The following LIPA variants were observed in gnomAD, a reference collection of about 807,000 sequenced individuals.
LIPA encodes lipase A, lysosomal acid type.
In LIPA, 26 loss-of-function variants were observed where a neutral mutation model predicts 40.6. The observed-to-expected ratio is 0.64, with a 90% CI of 0.47 to 0.89. LIPA has a LOEUF of 0.89. Among genes scored for constraint, LIPA ranks in the 40% least tolerant of loss-of-function variants. The pLI is 0.00. For synonymous variants in LIPA, 188 were observed against 168.4 expected, an observed-to-expected ratio of 1.12 and a Z score of -0.90; for missense variants, 455 against 479.6, an observed-to-expected ratio of 0.95 and a Z score of 0.48.
chr10:89,217,915 T>C (rs558081869), intron 8 of LIPA, among the ~76,000 whole-genome samples: 1 of 152,314 alleles, frequency 6.6e-6, no homozygotes, highest in South Asian at 2.1e-4. Flanking sequence ...TGGGTAAATA[T>C]GTTACATAAA....
chr10:89,383,851 G>A lies in LIPA; in HGVS notation c.61+28940C>T, dbSNP rs73369750. 6.6e-3 allele frequency: 10,647 copies of A among 1,614,158 alleles called. 587 individuals are homozygous for A. The African/African-American group carries it at 0.12, about 18-fold the overall frequency. ...CCCTGAAAACCCTGAATTCAATACT[G>A]GGTACGCAATCACCGTCTATCGCCT... On this transcript the variant is annotated intron_variant, in intron 2 of 8. Coordinates refer to the LIPA transcript ENST00000371837.
At chr10:89,338,969 A>G in intron 1 of LIPA, 1 of 1,614,164 alleles carries the variant, frequency 6.2e-7, no homozygotes, top group Non-Finnish European at 8.5e-7. Flanking sequence ...TGGGTCTACT[A>G]TCACTTGGGC....
intron 1 of LIPA, among the ~76,000 whole-genome samples, chr10:89,290,327 C>A (rs1297387797): frequency 6.6e-6 from 1 of 152,140 alleles, no homozygotes; most frequent in Non-Finnish European, 1.5e-5. Flanking sequence ...TTCTAACAAC[C>A]CCACAGTATC....
chr10:89,398,695 C>T (rs190860097), intron 2 of LIPA, among the ~76,000 whole-genome samples: 2 of 152,292 alleles, frequency 1.3e-5, no homozygotes, highest in East Asian at 3.9e-4. Context: ...CATGTTGTAA[C>T]ATGTATCAGA....
At chr10:89,379,473 T>C (rs1257660703) in intron 2 of LIPA, among the ~76,000 whole-genome samples, 1 of 152,212 alleles carries the variant, frequency 6.6e-6, no homozygotes, top group Non-Finnish European at 1.5e-5. Context: ...AATATATATT[T>C]CTTTTTTTCC....
At chr10:89,244,157 CAA>C (rs1401733679) in intron 3 of LIPA, among the ~76,000 whole-genome samples, 2 of 151,912 alleles carry the variant, frequency 1.3e-5, no homozygotes, top group African/African-American at 2.4e-5. Context: ...ATAAAAATCT[CAA>C]GAGTTAGAAA....
chr10:89,290,335 A>G (rs954865364), intron 1 of LIPA, among the ~76,000 whole-genome samples: 1 of 152,162 alleles, frequency 6.6e-6, no homozygotes, highest in African/African-American at 2.4e-5. Flanking sequence ...ACCCCACAGT[A>G]TCACCCCTTA....
intron 1 of LIPA, among the ~76,000 whole-genome samples, chr10:89,302,482 C>A (rs1380614561): frequency 1.3e-5 from 2 of 152,090 alleles, no homozygotes; most frequent in African/African-American, 4.8e-5. Context: ...CTGACCCTGT[C>A]TTATTTCATA....
At chr10:89,279,317 A>C (rs1843304486) in intron 1 of LIPA, among the ~76,000 whole-genome samples, 1 of 152,208 alleles carries the variant, frequency 6.6e-6, no homozygotes, top group Non-Finnish European at 1.5e-5. Flanking sequence ...CCAACCAGTT[A>C]AGCCAAAGAG....
At chr10:89,255,495 G>A (rs1843176357), upstream of LIPA, among the ~76,000 whole-genome samples, 1 of 152,206 alleles carries the variant, frequency 6.6e-6, no homozygotes, top group African/African-American at 2.4e-5. Context: ...AATGATTTGG[G>A]TGGGGACACA....
In LIPA at chr10:89,214,229, C is replaced by T. The variant is rs1468930043; in HGVS notation, c.*599G>A. ...CCTGAGCAATTAAAACGTGTCAAATCACAGCTGTCACAGTTAGGTTTGATA... is the reference window on the plus strand; with the variant it reads ...CCTGAGCAATTAAAACGTGTCAAATTACAGCTGTCACAGTTAGGTTTGATA... On this transcript the variant is annotated 3_prime_UTR_variant, in exon 10 of 10. Coordinates refer to ENST00000336233, the MANE Select transcript of LIPA (RefSeq NM_000235.4). The T allele has an allele frequency of 1.3e-5, 2 of 152,482 alleles. No individual in the cohort carries two copies. Among genetic ancestry groups the T allele is most frequent in the African/African-American group, 2.4e-5 (1 of 41,460 alleles). The allele number at this position is 152,482 out of a possible 1,614,324, so 9.4% of individuals were successfully genotyped here.
intron 2 of LIPA, among the ~76,000 whole-genome samples, chr10:89,358,129 G>A (rs944158280): frequency 1.3e-5 from 2 of 152,190 alleles, no homozygotes; most frequent in African/African-American, 4.8e-5. Flanking sequence ...GAAGGACAGA[G>A]ACCACTTTCT....
At chr10:89,388,660 T>C (rs1844225056) in intron 2 of LIPA, among the ~76,000 whole-genome samples, 1 of 152,228 alleles carries the variant, frequency 6.6e-6, no homozygotes, top group South Asian at 2.1e-4. Flanking sequence ...ACAGTATCCA[T>C]GTCATCTTCC....
At chr10:89,369,967 C>T (rs973412531) in intron 2 of LIPA, among the ~76,000 whole-genome samples, 1 of 152,380 alleles carries the variant, frequency 6.6e-6, no homozygotes. Flanking sequence ...GCTCAAGAAA[C>T]TGCTATGTGC....
At chr10:89,243,471 TTAGAG>T (rs1315845654) in intron 3 of LIPA, among the ~76,000 whole-genome samples, 8 of 152,132 alleles carry the variant, frequency 5.3e-5, no homozygotes, top group Non-Finnish European at 1.0e-4. Context: ...CAGATTTAGC[TTAGAG>T]TAAATACTTT....
intron 1 of LIPA, among the ~76,000 whole-genome samples, chr10:89,273,134 A>G (rs1393680576): frequency 6.6e-6 from 1 of 152,224 alleles, no homozygotes; most frequent in Non-Finnish European, 1.5e-5. Context: ...AGTTAACATC[A>G]GAATTCCTCT....
At chr10:89,406,338 T>C (rs888614823) in intron 2 of LIPA, 1 of 152,036 alleles carries the variant, frequency 6.6e-6, no homozygotes, top group Non-Finnish European at 1.5e-5. Context: ...CAGCTCTCTG[T>C]AAAATGGACC....
At chr10:89,411,094 A>G (rs537062534) in intron 2 of LIPA, among the ~76,000 whole-genome samples, 69 of 152,386 alleles carry the variant, frequency 4.5e-4, no homozygotes, top group African/African-American at 1.6e-3. Context: ...CCTTGCTGTC[A>G]GTGTAAACAA....
At chr10:89,387,317 CA>C (rs565296927) in intron 2 of LIPA, among the ~76,000 whole-genome samples, 1,423 of 83,618 alleles carry the variant, frequency 0.017, 11 homozygotes, top group African/African-American at 0.058. Flanking sequence ...GACTCCGTCT[CA>C]AAAAAAAAAA....
Sources: gnomAD v4.1 joint callset for allele counts (sites outside exome capture counted in the v4.1 genomes callset) on GRCh38, gnomAD v4.1.1 for gene constraint, MANE v1.5 for transcripts, NCBI Gene and HGNC (gene_info 2026-07-23, HGNC 2026-07-21) for gene names.